Variants in KLHDC4 observed in about 807,000 individuals in gnomAD.
The protein encoded by KLHDC4 is kelch domain-containing protein 4.
A neutral mutation model predicts 62.4 loss-of-function variants in KLHDC4; 90 were observed. The observed-to-expected ratio is 1.44, with a 90% CI of 1.22 to 1.72. The LOEUF (loss-of-function observed/expected upper bound fraction) is 1.72. KLHDC4 is among the 40% of genes most tolerant of loss of function. KLHDC4 has a pLI of 0.00. For missense variants in KLHDC4, 1,025 were observed against 699.7 expected, an observed-to-expected ratio of 1.47 and a Z score of -5.25; for synonymous variants, 386 against 284.4, an observed-to-expected ratio of 1.36 and a Z score of -3.59.
intron 6 of KLHDC4, among the ~76,000 whole-genome samples, chr16:87,727,631 G>A (rs1274851381): frequency 6.6e-6 from 1 of 152,228 alleles, no homozygotes; most frequent in Non-Finnish European, 1.5e-5. Context: ...CAGCTTTGCT[G>A]GAGGCATGGG....
At chr16:87,762,263 G>T in intron 1 of KLHDC4, 2 of 839,446 alleles carry the variant, frequency 2.4e-6, no homozygotes, top group East Asian at 3.2e-5. Flanking sequence ...TGTGCACCAA[G>T]TATTATCTCC....
At position 87,716,221 on chromosome 16, in the gene KLHDC4, T is replaced by C. The variant is rs138728320; in HGVS notation, c.760-1648A>G. On this transcript the variant is annotated intron_variant, in intron 7 of 11. Transcript: ENST00000270583. ...CGCTATGGTCTTGTGGATATTGACGTAGACTTTGGGTACGCGCTATGTCTC... is the reference window on the plus strand; with the variant it reads ...CGCTATGGTCTTGTGGATATTGACGCAGACTTTGGGTACGCGCTATGTCTC... Among the ~76,000 whole-genome samples the C allele has an allele frequency of 1.1e-3, 165 of 152,010 alleles. 2 individuals are homozygous for C. Among genetic ancestry groups the C allele is most frequent in the African/African-American group, 3.7e-3 (153 of 41,462 alleles).
At chr16:87,709,896 A>G in intron 9 of KLHDC4, 1 of 503,900 alleles carries the variant, frequency 2.0e-6, no homozygotes, top group Non-Finnish European at 3.5e-6. Flanking sequence ...GGGGCAGAAA[A>G]CCCCCCACTG....
intron 8 of KLHDC4, 84 bp from the exon 9 acceptor site, chr16:87,711,527 T>G: frequency 8.2e-7 from 1 of 1,213,666 alleles, no homozygotes; most frequent in Admixed American, 2.6e-5. Context: ...GGACCCCAGG[T>G]GCCCCCCAGA....
intron 4 of KLHDC4, among the ~76,000 whole-genome samples, chr16:87,750,567 A>T (rs1346826880): frequency 1.3e-5 from 2 of 152,220 alleles, no homozygotes; most frequent in East Asian, 3.8e-4. Context: ...AGCAGGACGA[A>T]GAATGGTTCC....
intron 2 of KLHDC4, among the ~76,000 whole-genome samples, chr16:87,756,953 G>C (rs1466135641): frequency 6.6e-6 from 1 of 151,768 alleles, no homozygotes; most frequent in Non-Finnish European, 1.5e-5. Context: ...GGCTGGGATT[G>C]CAGGTGCCCA....
At chr16:87,706,900 C>A (rs1433781455), downstream of KLHDC4, among the ~76,000 whole-genome samples, 1 of 152,226 alleles carries the variant, frequency 6.6e-6, no homozygotes, top group Admixed American at 6.5e-5. Flanking sequence ...GGGCTCGCCA[C>A]CAAGTCAGCT....
chr16:87,757,762 G>A (rs922849507), intron 2 of KLHDC4, among the ~76,000 whole-genome samples: 3 of 151,390 alleles, frequency 2.0e-5, no homozygotes, highest in African/African-American at 7.3e-5. Flanking sequence ...CATGGTGGTG[G>A]GCACCTGTAA....
At chr16:87,716,322 G>A (rs995298358) in intron 7 of KLHDC4, among the ~76,000 whole-genome samples, 1 of 152,052 alleles carries the variant, frequency 6.6e-6, no homozygotes, top group African/African-American at 2.4e-5. Context: ...ACACGCTATG[G>A]TCTTGTGGAT....
intron 5 of KLHDC4, among the ~76,000 whole-genome samples, chr16:87,735,216 C>T (rs1165956730): frequency 1.3e-5 from 2 of 150,886 alleles, no homozygotes; most frequent in African/African-American, 4.9e-5. Context: ...AGGAGAATGG[C>T]GTGAACCCGG....
chr16:87,737,713 G>C (rs2041581402), intron 5 of KLHDC4, among the ~76,000 whole-genome samples: 2 of 151,418 alleles, frequency 1.3e-5, no homozygotes, highest in South Asian at 4.2e-4. Context: ...TAAGACTCCC[G>C]AGTAGCTGCA....
chr16:87,734,955 G>C (rs1599800), intron 5 of KLHDC4, among the ~76,000 whole-genome samples: 91 of 41,008 alleles, frequency 2.2e-3, no homozygotes, highest in African/African-American at 8.6e-3. Context: ...TCCCACTCCT[G>C]ACGAATTGCC....
At chr16:87,764,899 A>C (rs921458502) in intron 1 of KLHDC4, among the ~76,000 whole-genome samples, 1 of 151,902 alleles carries the variant, frequency 6.6e-6, no homozygotes, top group Non-Finnish European at 1.5e-5. Context: ...CCATTATTTA[A>C]GAGATGAGGA....
downstream of KLHDC4, among the ~76,000 whole-genome samples, chr16:87,705,655 A>C (rs768492320): frequency 5.9e-5 from 9 of 152,272 alleles, no homozygotes; most frequent in Non-Finnish European, 1.3e-4. Context: ...ACTGTCTCTC[A>C]TAACAGACAA....
intron 5 of KLHDC4, among the ~76,000 whole-genome samples, chr16:87,739,458 C>A (rs889034486): frequency 7.1e-6 from 1 of 140,838 alleles, no homozygotes; most frequent in Non-Finnish European, 1.5e-5. Flanking sequence ...ATCCACACAA[C>A]AGCATCTCAT....
At chr16:87,736,369 G>A (rs1031236874) in intron 5 of KLHDC4, among the ~76,000 whole-genome samples, 3 of 152,188 alleles carry the variant, frequency 2.0e-5, no homozygotes, top group African/African-American at 7.2e-5. Context: ...GAGGCAGCCC[G>A]ACAGCAGGAC....
chr16:87,719,871 G>C (rs531889192), intron 7 of KLHDC4, among the ~76,000 whole-genome samples: 2 of 152,184 alleles, frequency 1.3e-5, no homozygotes, highest in Non-Finnish European at 2.9e-5. Flanking sequence ...TGAGACCCCA[G>C]AGCCCAGCAG....
chr16:87,741,826 T>G (rs1252364455), intron 5 of KLHDC4, among the ~76,000 whole-genome samples: 34 of 152,148 alleles, frequency 2.2e-4, no homozygotes, highest in Admixed American at 2.1e-3. Context: ...TCCCGCCAAC[T>G]TCACATCCTC....
At chr16:87,745,602 T>C (rs548650101) in intron 5 of KLHDC4, among the ~76,000 whole-genome samples, 1 of 152,352 alleles carries the variant, frequency 6.6e-6, no homozygotes, top group East Asian at 1.9e-4. Context: ...TAAGATGCGC[T>C]TGGAGCTGGT....
Sources: gnomAD v4.1 joint callset for allele counts (sites outside exome capture counted in the v4.1 genomes callset) on GRCh38, gnomAD v4.1.1 for gene constraint, MANE v1.5 for transcripts, NCBI Gene and HGNC (gene_info 2026-07-23, HGNC 2026-07-21) for gene names.